The following ZNF396 variants were observed in gnomAD, a reference collection of about 807,000 sequenced individuals.
ZNF396 encodes zinc finger and SCAN domain-containing protein 14.
A neutral mutation model predicts 20.5 loss-of-function variants in ZNF396; 14 were observed. The observed-to-expected ratio is 0.68, with a 90% CI of 0.45 to 1.07. The LOEUF (loss-of-function observed/expected upper bound fraction) is 1.07, where lower values mean the gene tolerates loss of function less well. Ranked by LOEUF, ZNF396 falls within the 50% of genes least tolerant of loss-of-function variation. The pLI is 0.00. For synonymous variants in ZNF396, 119 were observed against 140.6 expected, an observed-to-expected ratio of 0.85 and a Z score of 1.08; for missense variants, 347 against 390.1, an observed-to-expected ratio of 0.89 and a Z score of 0.93.
At chr18:35,372,137 CG>C (rs915129089) in intron 3 of ZNF396, 1 of 151,734 alleles carries the variant, frequency 6.6e-6, no homozygotes, top group African/African-American at 2.4e-5. Context: ...CAAATTTCTA[CG>C]AATCTTAAAA....
chr18:35,371,058 A>G (rs12457980), intron 3 of ZNF396, among the ~76,000 whole-genome samples: 35,384 of 152,140 alleles, frequency 0.23, 5,124 homozygotes, highest in Non-Finnish European at 0.31. Context: ...TGAGAAAGGT[A>G]GTCTGGGGAG....
chr18:35,369,975 A>G (rs181048558), intron 3 of ZNF396, among the ~76,000 whole-genome samples: 8 of 152,218 alleles, frequency 5.3e-5, no homozygotes, highest in Non-Finnish European at 7.3e-5. Flanking sequence ...AGACACAGAG[A>G]GCTAGAAGGA....
At chr18:35,369,799 T>C in intron 3 of ZNF396, 139 bp from the exon 4 acceptor site, 2 of 905,670 alleles carry the variant, frequency 2.2e-6, no homozygotes, top group Non-Finnish European at 3.2e-6. Context: ...GAGAAGTTTA[T>C]ATAAGACATA....
chr18:35,368,372 C>G lies in ZNF396; in HGVS notation c.*843G>C, dbSNP rs760610617. On this transcript the variant is annotated 3_prime_UTR_variant, in exon 4 of 4. Transcript: ENST00000589332. ...TTATTTATCTGCCTCCTGAAAGTGACCTGGGGCACTTCAGCCTAGTCTTGA... is the reference window on the plus strand; with the variant it reads ...TTATTTATCTGCCTCCTGAAAGTGAGCTGGGGCACTTCAGCCTAGTCTTGA... 1 of 1,456,162 alleles carries G rather than the reference C, an allele frequency of 6.9e-7. No homozygotes were observed. The highest frequency in any genetic ancestry group is 9.1e-7 in the Non-Finnish European group (1 of 1,098,508). 90.2% of individuals were successfully genotyped at this position (1,456,162 alleles called of 1,614,324 possible). A position where few individuals can be genotyped will look rare whatever the true frequency, so the allele number is the denominator to read the frequency against.
rs758439796 is a variant in ZNF396 at position 35,368,994 on chromosome 18, C to T, written c.*221G>A. On this transcript the variant is annotated 3_prime_UTR_variant, in exon 4 of 4. Coordinates refer to ENST00000589332, the MANE Select transcript of ZNF396 (RefSeq NM_001322286.2). ...CATAGGGATGGAAATCTGAATTAAG[C>T]TTTGGAATTGCAAACGTCAGAATTG... The T allele has an allele frequency of 8.4e-6, 11 of 1,315,256 alleles. No homozygotes were observed. The highest frequency in any genetic ancestry group is 5.8e-6 in the Non-Finnish European group (6 of 1,037,434). The allele number at this position is 1,315,256 out of a possible 1,614,324, so 81.5% of individuals were successfully genotyped here. A position where few individuals can be genotyped will look rare whatever the true frequency, so the allele number is the denominator to read the frequency against.
Position 35,376,050 on chromosome 18 carries a change from A to G in ZNF396, c.-73+1228T>C, listed in dbSNP as rs1040780046. The stretch of plus-strand genomic sequence containing the variant: ...GAGGCTCTGCACCCGGTCTAATCAT[A>G]TTTTTTAAATTGGGCAGGAGGTATA... On this transcript the variant is annotated intron_variant, in intron 1 of 3. Coordinates refer to ENST00000589332, the MANE Select transcript of ZNF396 (RefSeq NM_001322286.2). 29 of 152,060 alleles carry G rather than the reference A, an allele frequency of 1.9e-4. 1 individual carries two copies. 9.4% of individuals were successfully genotyped at this position (152,060 alleles called of 1,614,324 possible). A position where few individuals can be genotyped will look rare whatever the true frequency, so the allele number is the denominator to read the frequency against.
intron 1 of ZNF396, among the ~76,000 whole-genome samples, chr18:35,376,975 G>A (rs2045267276): frequency 6.6e-6 from 1 of 152,098 alleles, no homozygotes; most frequent in African/African-American, 2.4e-5. Context: ...CCACCGCGCC[G>A]CGCCGCGCGC....
At chr18:35,375,287 C>CA (rs386387385) in intron 1 of ZNF396, among the ~76,000 whole-genome samples, 1,542 of 33,420 alleles carry the variant, frequency 0.046, 32 homozygotes, top group African/African-American at 0.15. Flanking sequence ...TCTACCCCAC[C>CA]AAAAAAAAAA....
rs763909301 is a variant in ZNF396 at position 35,373,585 on chromosome 18, T to C, written c.433A>G (p.Arg145Gly). Reference sequence around the variant, plus strand: ...AGCTTCTCTGCAATCATGTCCTTCCTTCGTCCAAAAAAGATCTAAAAACAG... The same window carrying C: ...AGCTTCTCTGCAATCATGTCCTTCCCTCGTCCAAAAAAGATCTAAAAACAG... Reference protein sequence around the residue: ...DGPKQIFFGRRKDMIAEKLAP... With the variant: ...DGPKQIFFGRGKDMIAEKLAP... Residue 145 changes from arginine to glycine, a missense_variant, in exon 3 of 4, where the codon AGG (arginine) becomes GGG (glycine). Arg to Gly is a moderately radical substitution (Grantham distance 125). Coordinates refer to ENST00000589332, the MANE Select transcript of ZNF396 (RefSeq NM_001322286.2). The C allele has an allele frequency of 6.2e-7, 1 of 1,613,726 alleles. No homozygotes were observed. The highest frequency in any genetic ancestry group is 1.1e-5 in the South Asian group (1 of 90,992).
intron 3 of ZNF396, among the ~76,000 whole-genome samples, chr18:35,371,166 A>G (rs955147354): frequency 3.9e-5 from 6 of 152,182 alleles, no homozygotes; most frequent in African/African-American, 7.2e-5. Flanking sequence ...TGTCTCTACA[A>G]TCTCCTTAGA....
At position 35,368,923 on chromosome 18, in the gene ZNF396, T is replaced by C; in HGVS notation, c.*292A>G. 8.6e-7 allele frequency: 1 copy of C among 1,166,152 alleles called. No individual in the cohort carries two copies. 72.2% of individuals were successfully genotyped at this position (1,166,152 alleles called of 1,614,324 possible). A position where few individuals can be genotyped will look rare whatever the true frequency, so the allele number is the denominator to read the frequency against. On this transcript the variant is annotated 3_prime_UTR_variant, in exon 4 of 4. Transcript: ENST00000589332. ...TATACTAATTCATTATATGTGTTAATAATGAAAATAGTAGAACATGTCTGA... is the reference window on the plus strand; with the variant it reads ...TATACTAATTCATTATATGTGTTAACAATGAAAATAGTAGAACATGTCTGA...
chr18:35,374,449 G>C lies in ZNF396; in HGVS notation c.-72-85C>G, dbSNP rs2045231175. On this transcript the variant is annotated intron_variant, in intron 1 of 3. Coordinates refer to ENST00000589332, the MANE Select transcript of ZNF396 (RefSeq NM_001322286.2). The surrounding 1 kb of genome is among the most constrained non-coding windows in gnomAD (Gnocchi z 4.3). ...AAAACAACTAAGATTAGAAACATAA[G>C]ACTGTATAGGAACTACTGACCTTAG... The C allele has an allele frequency of 1.5e-6, 1 of 659,840 alleles. No homozygotes were observed. The highest frequency in any genetic ancestry group is 2.5e-6 in the Non-Finnish European group (1 of 396,366). The allele number at this position is 659,840 out of a possible 1,614,324, so 40.9% of individuals were successfully genotyped here.
In ZNF396 at chr18:35,369,127, A is replaced by G. The variant is rs2045135473; in HGVS notation, c.*88T>C. 3 of 1,450,182 alleles carry G rather than the reference A, an allele frequency of 2.1e-6. No individual in the cohort carries two copies. Among genetic ancestry groups the G allele is most frequent in the East Asian group, 2.5e-5 (1 of 40,100 alleles). The allele number at this position is 1,450,182 out of a possible 1,614,324, so 89.8% of individuals were successfully genotyped here. Reference sequence around the variant, plus strand: ...AAGGAGACTGGTGCTTACTAAGACCACTGATTTGTACTAAGGAGCGTTTGC... The same window carrying G: ...AAGGAGACTGGTGCTTACTAAGACCGCTGATTTGTACTAAGGAGCGTTTGC... On this transcript the variant is annotated 3_prime_UTR_variant, in exon 4 of 4. Transcript: ENST00000589332.
At position 35,369,520 on chromosome 18, in the gene ZNF396, C is replaced by G. The variant is rs770073755; in HGVS notation, c.703G>C (p.Asp235His). The G allele has an allele frequency of 1.9e-6, 3 of 1,614,120 alleles. No homozygotes were observed. The highest frequency in any genetic ancestry group is 2.5e-6 in the Non-Finnish European group (3 of 1,179,962). Residue 235 changes from aspartate to histidine, a missense_variant, in exon 4 of 4, where the codon GAT becomes CAT. Transcript: ENST00000589332. ...SSTYRGTYEQ[D>H]GRFEKRQGNP... The stretch of plus-strand genomic sequence containing the variant: ...CCTTGTCTCTTTTCAAACCTACCAT[C>G]TTGTTCATAGGTTCCTCTATATGTG...
chr18:35,373,715 A>G, intron 2 of ZNF396, 115 bp from the exon 3 acceptor site: 1 of 1,505,972 alleles, frequency 6.6e-7, no homozygotes, highest in Non-Finnish European at 8.9e-7. Context: ...GGGAGGGAAA[A>G]AGTAGAGCCA....
chr18:35,373,577 GTCCT>G lies in ZNF396; in HGVS notation c.437_440del (p.Lys146ThrfsTer2). 1 of 1,614,114 alleles carries G rather than the reference GTCCT, an allele frequency of 6.2e-7. No homozygotes were observed. Among genetic ancestry groups the G allele is most frequent in the Non-Finnish European group, 8.5e-7 (1 of 1,180,008 alleles). On this transcript the variant is annotated frameshift_variant, in exon 3 of 4. Transcript: ENST00000589332. LOFTEE classifies it high-confidence loss of function. The stretch of plus-strand genomic sequence containing the variant: ...AAGGTGCTAGCTTCTCTGCAATCAT[GTCCT>G]TCCTTCGTCCAAAAAAGATCTAAAA...
intron 1 of ZNF396, chr18:35,376,218 T>C (rs1398968137): frequency 6.6e-6 from 1 of 152,240 alleles, no homozygotes. Context: ...ATAAAGCCTG[T>C]GAGTTCATAA....
chr18:35,375,939 C>T (rs2045251469), intron 1 of ZNF396, among the ~76,000 whole-genome samples: 1 of 152,110 alleles, frequency 6.6e-6, no homozygotes, highest in African/African-American at 2.4e-5. Flanking sequence ...GACGGGGTTT[C>T]ACCATGTTGG....
rs578036179 is a variant in ZNF396 at position 35,368,726 on chromosome 18, A to G, written c.*489T>C. 3.8e-5 allele frequency: 38 copies of G among 988,328 alleles called. No individual in the cohort carries two copies. The African/African-American group carries it at 6.3e-4, about 16-fold the overall frequency. 61.2% of individuals were successfully genotyped at this position (988,328 alleles called of 1,614,324 possible). A position where few individuals can be genotyped will look rare whatever the true frequency, so the allele number is the denominator to read the frequency against. On this transcript the variant is annotated 3_prime_UTR_variant, in exon 4 of 4. Coordinates refer to ENST00000589332, the MANE Select transcript of ZNF396 (RefSeq NM_001322286.2). The stretch of plus-strand genomic sequence containing the variant: ...CTCGGCCTCCCAAAGTGCTAGGATT[A>G]CAGGCATGAGCCAACCGCACCCAGC...
Sources: gnomAD v4.1 joint callset for allele counts (sites outside exome capture counted in the v4.1 genomes callset) on GRCh38, gnomAD v4.1.1 for gene constraint, Gnocchi (gnomAD v3.1) non-coding constraint, MANE v1.5 for transcripts, NCBI Gene and HGNC (gene_info 2026-07-23, HGNC 2026-07-21) for gene names.